TENM2: variants seen among roughly 807,000 people sequenced by gnomAD.
TENM2 encodes teneurin transmembrane protein 2.
Under a neutral mutation model 245.2 loss-of-function variants are expected in TENM2, and 52 were observed. The ratio of observed to expected loss-of-function variants is 0.21; its 90% CI spans 0.17 to 0.27. TENM2 has a LOEUF of 0.27. TENM2 is among the 10% of genes least tolerant of loss of function. The pLI, the probability that TENM2 is intolerant of heterozygous loss-of-function variation, is 1.00. For missense variants in TENM2, 3,046 were observed against 3,666.8 expected (o/e 0.83, Z 4.37); for synonymous variants, 1,363 against 1,438.9 (o/e 0.95, Z 1.19).
chr5:168,044,314 G>A (rs112490474), intron 5 of TENM2, among the ~76,000 whole-genome samples: 23,455 of 152,054 alleles, frequency 0.15, 2,161 homozygotes, highest in East Asian at 0.26. Flanking sequence ...ACTCGGGAGG[G>A]TGAGGCAAGA....
At chr5:167,190,376 C>T in the TENM2 span, among the ~76,000 whole-genome samples, 5,070 of 152,066 alleles carry the variant, frequency 0.033, 284 homozygotes, top group African/African-American at 0.12. Context: ...TATGAAGCTT[C>T]GCATCCCCTC....
At chr5:167,897,765 CAGATATAT>C (rs1395101230) in intron 3 of TENM2, among the ~76,000 whole-genome samples, 4 of 151,798 alleles carry the variant, frequency 2.6e-5, no homozygotes, top group Non-Finnish European at 4.4e-5. Context: ...GAAAGATATA[CAGATATAT>C]AGATATATAG....
chr5:167,813,767 C>T (rs1399307010), intron 2 of TENM2, among the ~76,000 whole-genome samples: 3 of 152,074 alleles, frequency 2.0e-5, no homozygotes, highest in South Asian at 2.1e-4. Context: ...GTGTAGCCTT[C>T]GTAAGTCCTA....
intron 2 of TENM2, among the ~76,000 whole-genome samples, chr5:167,595,298 A>T (rs554013166): frequency 2.0e-4 from 31 of 152,320 alleles, no homozygotes; most frequent in African/African-American, 7.2e-4. Context: ...GTCATTTAGA[A>T]CCACAGAAAC....
At chr5:167,962,719 A>C (rs958438374) in intron 4 of TENM2, among the ~76,000 whole-genome samples, 1 of 152,190 alleles carries the variant, frequency 6.6e-6, no homozygotes, top group Non-Finnish European at 1.5e-5. Flanking sequence ...ACTGCTGAGC[A>C]AAAGGGGTGA....
intron 23 of TENM2, among the ~76,000 whole-genome samples, chr5:168,223,332 A>G (rs1418062968): frequency 6.6e-6 from 1 of 152,212 alleles, no homozygotes; most frequent in Non-Finnish European, 1.5e-5. Flanking sequence ...ACTTGTCAGC[A>G]GGAGGAGAAA....
At chr5:167,486,889 T>A (rs953587933) in intron 2 of TENM2, among the ~76,000 whole-genome samples, 7 of 152,160 alleles carry the variant, frequency 4.6e-5, no homozygotes, top group Middle Eastern at 6.3e-3. Flanking sequence ...TGATATAAAA[T>A]GGGTAGGGAG....
intron 2 of TENM2, among the ~76,000 whole-genome samples, chr5:167,717,052 C>T (rs1759320976): frequency 6.6e-6 from 1 of 151,822 alleles, no homozygotes; most frequent in Non-Finnish European, 1.5e-5. Context: ...GCAACCTTCA[C>T]CTCCTGTATC....
chr5:168,016,426 A>G (rs1298959568), intron 5 of TENM2, among the ~76,000 whole-genome samples: 1 of 152,250 alleles, frequency 6.6e-6, no homozygotes, highest in Non-Finnish European at 1.5e-5. Context: ...TTCCTGCAAC[A>G]TTTCAAGGAG....
At chr5:167,257,874 T>G in the TENM2 span, among the ~76,000 whole-genome samples, 134,571 of 151,946 alleles carry the variant, frequency 0.89, 60,172 homozygotes, top group East Asian at 0.98. Context: ...AGGACAATAG[T>G]CTGAGATTCA....
chr5:167,174,718 G>A, the TENM2 span, among the ~76,000 whole-genome samples: 2 of 151,830 alleles, frequency 1.3e-5, no homozygotes, highest in South Asian at 2.1e-4. Flanking sequence ...TATGCAATAC[G>A]ATATTATCAA....
chr5:167,914,946 G>T (rs1420835586), intron 3 of TENM2, among the ~76,000 whole-genome samples: 1 of 152,138 alleles, frequency 6.6e-6, no homozygotes, highest in Non-Finnish European at 1.5e-5. Context: ...AGTTACATCT[G>T]CAATAACCTT....
chr5:167,678,278 G>A (rs1438157573), intron 2 of TENM2, among the ~76,000 whole-genome samples: 1 of 152,050 alleles, frequency 6.6e-6, no homozygotes, highest in Non-Finnish European at 1.5e-5. Flanking sequence ...TCAGGGAAAA[G>A]TAAATGTCTG....
chr5:167,061,043 G>A, the TENM2 span, among the ~76,000 whole-genome samples: 84 of 151,842 alleles, frequency 5.5e-4, no homozygotes, highest in African/African-American at 2.0e-3. Flanking sequence ...TGTTAACATT[G>A]AAGAACATTT....
intron 2 of TENM2, among the ~76,000 whole-genome samples, chr5:167,767,367 G>A (rs1463626707): frequency 6.6e-6 from 1 of 152,164 alleles, no homozygotes; most frequent in Non-Finnish European, 1.5e-5. Flanking sequence ...TGACATAGAA[G>A]ATACAATGGT....
At chr5:167,372,328 C>T (rs1481116383) in intron 1 of TENM2, among the ~76,000 whole-genome samples, 2 of 152,088 alleles carry the variant, frequency 1.3e-5, no homozygotes, top group Non-Finnish European at 2.9e-5. Context: ...TTCCTGAAGA[C>T]CTCAAGTTTG....
intron 2 of TENM2, among the ~76,000 whole-genome samples, chr5:167,735,739 G>A (rs565498155): frequency 3.7e-4 from 56 of 152,266 alleles, no homozygotes; most frequent in African/African-American, 1.3e-3. Flanking sequence ...CTAGGAGATG[G>A]AGGTTGCACT....
chr5:168,221,256 T>G (rs1158832183), intron 23 of TENM2, among the ~76,000 whole-genome samples: 1 of 152,186 alleles, frequency 6.6e-6, no homozygotes, highest in Non-Finnish European at 1.5e-5. Flanking sequence ...ATCTTTTTTT[T>G]CTGCATAGAA....
intron 4 of TENM2, among the ~76,000 whole-genome samples, chr5:167,976,086 A>T (rs1782421927): frequency 6.6e-6 from 1 of 152,146 alleles, no homozygotes. Context: ...TATGATACTT[A>T]GTCTGTCCCC....
Sources: allele counts gnomAD v4.1 joint callset (sites outside exome capture counted in the v4.1 genomes callset), GRCh38; gene constraint gnomAD v4.1.1; transcripts MANE v1.5; gene names NCBI Gene and HGNC (gene_info 2026-07-23, HGNC 2026-07-21).